RORA: variants seen among roughly 807,000 people sequenced by gnomAD.
RORA encodes nuclear receptor ROR-alpha.
Under a neutral mutation model 69.5 loss-of-function variants are expected in RORA, and 7 were observed. The observed-to-expected ratio is 0.10, with a 90% CI of 0.06 to 0.19. The LOEUF is 0.19. Ranked by LOEUF, RORA falls within the 10% of genes least tolerant of loss-of-function variation. The pLI, the probability that RORA is intolerant of heterozygous loss-of-function variation, is 1.00. For missense variants in RORA, 457 were observed against 663.0 expected (o/e 0.69, Z 3.41); for synonymous variants, 261 against 240.8 (o/e 1.08, Z -0.78).
intron 1 of RORA, among the ~76,000 whole-genome samples, chr15:61,000,624 T>C (rs933368718): frequency 1.3e-5 from 2 of 151,980 alleles, no homozygotes; most frequent in Non-Finnish European, 2.9e-5. Flanking sequence ...TGACGGAAAA[T>C]AGACCTGGTG....
chr15:60,877,511 ATAACT>A lies in RORA; in HGVS notation c.167-198830_167-198826del, dbSNP rs544673733. The stretch of plus-strand genomic sequence containing the variant: ...GAGGCTGTTTTGATGTAATCCAAAG[ATAACT>A]TAACTGATTTAGTCTGTGAGTAAAA... On this transcript the variant is annotated intron_variant, in intron 1 of 10. Transcript: ENST00000335670. 2.1e-4 allele frequency among the ~76,000 whole-genome samples: 32 copies of A among 152,374 alleles called. 1 individual carries two copies. Among genetic ancestry groups the A allele is most frequent in the African/African-American group, 6.7e-4 (28 of 41,592 alleles).
intron 2 of RORA, among the ~76,000 whole-genome samples, chr15:60,543,081 G>C (rs889290854): frequency 1.3e-5 from 2 of 151,496 alleles, no homozygotes; most frequent in Non-Finnish European, 1.5e-5. Flanking sequence ...TGGGCACCAA[G>C]GACACGGAAA....
intron 1 of RORA, among the ~76,000 whole-genome samples, chr15:61,101,619 C>T (rs1387513281): frequency 2.0e-5 from 3 of 152,000 alleles, no homozygotes; most frequent in Non-Finnish European, 2.9e-5. Context: ...AAGAAAATAA[C>T]GTCACACAAG....
At chr15:61,153,454 G>C (rs2079415326) in intron 1 of RORA, among the ~76,000 whole-genome samples, 1 of 152,172 alleles carries the variant, frequency 6.6e-6, no homozygotes, top group Non-Finnish European at 1.5e-5. Context: ...CACATTCAGA[G>C]AGAGAGAATT....
At chr15:61,040,641 C>T (rs1160625261) in intron 1 of RORA, among the ~76,000 whole-genome samples, 1 of 151,880 alleles carries the variant, frequency 6.6e-6, no homozygotes, top group African/African-American at 2.4e-5. Flanking sequence ...AAATACAGTT[C>T]TTTTTTTGCC....
chr15:60,918,514 A>T (rs1891945697), intron 1 of RORA, among the ~76,000 whole-genome samples: 1 of 152,204 alleles, frequency 6.6e-6, no homozygotes, highest in Non-Finnish European at 1.5e-5. Context: ...TGCCATGTAG[A>T]AACTGGGCAC....
intron 2 of RORA, among the ~76,000 whole-genome samples, chr15:60,541,070 G>A (rs1003108041): frequency 7.2e-5 from 11 of 151,888 alleles, no homozygotes; most frequent in African/African-American, 2.7e-4. Flanking sequence ...GAGAGATGAG[G>A]GAAGGATCCG....
At chr15:60,855,649 C>T (rs1311393840) in intron 1 of RORA, among the ~76,000 whole-genome samples, 3 of 151,236 alleles carry the variant, frequency 2.0e-5, no homozygotes, top group African/African-American at 7.4e-5. Flanking sequence ...AACTAAGTCT[C>T]GCTCTGTCGC....
intron 2 of RORA, among the ~76,000 whole-genome samples, chr15:60,653,537 T>G (rs572168704): frequency 6.6e-6 from 1 of 152,300 alleles, no homozygotes; most frequent in South Asian, 2.1e-4. Flanking sequence ...TGGCCAGGCA[T>G]GGAGGAAGCA....
At chr15:60,712,274 C>A (rs72748798) in intron 1 of RORA, among the ~76,000 whole-genome samples, 39,300 of 152,082 alleles carry the variant, frequency 0.26, 5,549 homozygotes, top group Middle Eastern at 0.34. Context: ...TATATTCCAA[C>A]ATTTAAACAT....
At chr15:61,082,710 T>C (rs2078563511) in intron 1 of RORA, among the ~76,000 whole-genome samples, 1 of 152,172 alleles carries the variant, frequency 6.6e-6, no homozygotes, top group African/African-American at 2.4e-5. Context: ...GGGGTTGCTC[T>C]TTCACAGAAA....
chr15:60,942,906 C>G (rs1892743772), intron 1 of RORA, among the ~76,000 whole-genome samples: 1 of 152,226 alleles, frequency 6.6e-6, no homozygotes, highest in Non-Finnish European at 1.5e-5. Flanking sequence ...ACAATATTAT[C>G]AAGCCCACGA....
At chr15:60,772,135 G>A (rs549712456) in intron 1 of RORA, among the ~76,000 whole-genome samples, 57 of 152,092 alleles carry the variant, frequency 3.7e-4, no homozygotes, top group African/African-American at 1.4e-3. Flanking sequence ...GTATACATGT[G>A]CCATGTTGGT....
At chr15:60,821,567 A>G (rs921220014) in intron 1 of RORA, among the ~76,000 whole-genome samples, 2 of 152,196 alleles carry the variant, frequency 1.3e-5, no homozygotes, top group Non-Finnish European at 2.9e-5. Context: ...GTCATTTCAC[A>G]TCATATTCTA....
At chr15:61,107,717 T>A (rs910773067) in intron 1 of RORA, among the ~76,000 whole-genome samples, 2 of 151,980 alleles carry the variant, frequency 1.3e-5, no homozygotes, top group Non-Finnish European at 2.9e-5. Context: ...GGCCCTTGAA[T>A]AAAATTTCAT....
chr15:60,808,726 TTA>T (rs945286233), intron 1 of RORA, among the ~76,000 whole-genome samples: 5 of 149,438 alleles, frequency 3.3e-5, no homozygotes, highest in African/African-American at 7.3e-5. Flanking sequence ...AAAACATAAT[TTA>T]TATATATGTT....
intron 1 of RORA, among the ~76,000 whole-genome samples, chr15:60,804,016 G>A (rs938324550): frequency 5.3e-5 from 8 of 152,262 alleles, no homozygotes; most frequent in South Asian, 2.1e-4. Flanking sequence ...AGGGCCAGGT[G>A]CAGTGGCTCA....
At chr15:60,831,849 G>A (rs370770131) in intron 1 of RORA, among the ~76,000 whole-genome samples, 4 of 152,160 alleles carry the variant, frequency 2.6e-5, no homozygotes, top group Non-Finnish European at 5.9e-5. Context: ...AAAAACAAGC[G>A]AGTAAGGTTC....
At chr15:61,085,004 C>CG (rs1025887455) in intron 1 of RORA, among the ~76,000 whole-genome samples, 1 of 152,096 alleles carries the variant, frequency 6.6e-6, no homozygotes, top group Non-Finnish European at 1.5e-5. Context: ...GACATGATAA[C>CG]GGGGGAGCCC....
Sources: gnomAD v4.1 joint callset for allele counts (sites outside exome capture counted in the v4.1 genomes callset) on GRCh38, gnomAD v4.1.1 for gene constraint, MANE v1.5 for transcripts, NCBI Gene and HGNC (gene_info 2026-07-23, HGNC 2026-07-21) for gene names.